Variants in WDR17 observed in about 807,000 individuals in gnomAD.
WDR17 encodes the protein WD repeat domain 17, also known as WD repeat-containing protein 17.
WDR17 carries 143 observed loss-of-function variants against 161.7 expected under a neutral mutation model. The observed-to-expected ratio is 0.88, with a 90% confidence interval of 0.77 to 1.02. The LOEUF is 1.02. WDR17 is among the 50% of genes least tolerant of loss of function. The pLI, the probability that WDR17 is intolerant of heterozygous loss-of-function variation, is 0.00. For synonymous variants in WDR17, 517 were observed against 515.6 expected (o/e 1.00, Z -0.04); for missense variants, 1,469 against 1,520.9 (o/e 0.97, Z 0.57).
chr4:176,144,313 A>T (rs549227617), intron 11 of WDR17, among the ~76,000 whole-genome samples: 1 of 152,232 alleles, frequency 6.6e-6, no homozygotes, highest in Non-Finnish European at 1.5e-5. Flanking sequence ...GGCTGGTTGC[A>T]TATTGGCTGT....
At chr4:176,091,317 T>A (rs969930363) in intron 1 of WDR17, among the ~76,000 whole-genome samples, 1 of 152,132 alleles carries the variant, frequency 6.6e-6, no homozygotes, top group Admixed American at 6.5e-5. Flanking sequence ...CACAATGGAA[T>A]AAAACTAGAA....
At position 176,172,368 on chromosome 4, in the gene WDR17, T is replaced by C; in HGVS notation, c.3103-7T>C. ...GTAACATTGTTTTCAAATCAATTAT[T>C]TTCTAGTGTAAGCTACCCACAGTGG... is the stretch of plus-strand genomic sequence containing the variant. On this transcript the variant is annotated splice_polypyrimidine_tract_variant and splice_region_variant and intron_variant, in intron 23 of 28. Transcript: ENST00000508596. The C allele has an allele frequency of 6.2e-7, 1 of 1,602,372 alleles. No individual in the cohort carries two copies. Among genetic ancestry groups the C allele is most frequent in the Non-Finnish European group, 8.5e-7 (1 of 1,177,224 alleles).
At chr4:176,168,898 G>A in intron 23 of WDR17, 115 bp downstream of exon 23, 1 of 1,170,562 alleles carries the variant, frequency 8.5e-7, no homozygotes, top group Non-Finnish European at 1.2e-6. Context: ...TCCCTTTGGG[G>A]TACCTACAAG....
chr4:176,090,143 G>T (rs2126624824), intron 1 of WDR17, among the ~76,000 whole-genome samples: 1 of 151,828 alleles, frequency 6.6e-6, no homozygotes, highest in South Asian at 2.1e-4. Flanking sequence ...TGCAGTTAGG[G>T]TATAGTGAGG....
At chr4:176,146,672 C>A (rs1746223507) in intron 12 of WDR17, among the ~76,000 whole-genome samples, 1 of 152,112 alleles carries the variant, frequency 6.6e-6, no homozygotes, top group South Asian at 2.1e-4. Flanking sequence ...AGGAAAGACA[C>A]CTGTTCTAGT....
intron 1 of WDR17, among the ~76,000 whole-genome samples, chr4:176,078,979 A>G (rs1174560199): frequency 6.6e-6 from 1 of 152,010 alleles, no homozygotes; most frequent in African/African-American, 2.4e-5. Flanking sequence ...TATTCCTTCT[A>G]TATAGCTGTA....
Position 176,179,978 on chromosome 4 carries a change from G to T in WDR17, c.*399G>T, listed in dbSNP as rs1751990401. Reference sequence around the variant, plus strand: ...TACAGTAAGTACTTAATGGATATTTGAATGATTGAATATCTTGAAATGTTG... The same window carrying T: ...TACAGTAAGTACTTAATGGATATTTTAATGATTGAATATCTTGAAATGTTG... On this transcript the variant is annotated 3_prime_UTR_variant, in exon 29 of 29. Transcript: ENST00000508596. 6.6e-6 allele frequency: 1 copy of T among 152,092 alleles called. No individual in the cohort carries two copies. Among genetic ancestry groups the T allele is most frequent in the African/African-American group, 2.4e-5 (1 of 41,410 alleles). 9.4% of individuals were successfully genotyped at this position (152,092 alleles called of 1,614,324 possible).
Position 176,125,304 on chromosome 4 carries a change from G to C in WDR17, c.739G>C (p.Val247Leu), listed in dbSNP as rs114620724. 6.5e-4 allele frequency: 1,054 copies of C among 1,614,090 alleles called. 6 individuals are homozygous for C. The African/African-American group carries it at 0.012, about 18-fold the overall frequency. Residue 247 changes from valine to leucine, a missense_variant, in exon 5 of 29, where the codon GTA becomes CTA. Val to Leu is a conservative substitution (Grantham distance 32, BLOSUM62 1). Transcript: ENST00000508596. ...TFNLPSAAAS[V>L]QCLAWVPSAP... is the part of the protein sequence containing the mutation. Reference sequence around the variant, plus strand: ...TAATCTTCCCAGTGCAGCAGCTTCTGTACAGTGCTTAGCCTGGGTTCCCAG... The same window carrying C: ...TAATCTTCCCAGTGCAGCAGCTTCTCTACAGTGCTTAGCCTGGGTTCCCAG...
chr4:176,181,010 A>G lies in WDR17; in HGVS notation c.*1431A>G, dbSNP rs549813182. The G allele has an allele frequency of 1.3e-5, 2 of 152,290 alleles. No homozygotes were observed. The highest frequency in any genetic ancestry group is 4.8e-5 in the African/African-American group (2 of 41,570). 9.4% of individuals were successfully genotyped at this position (152,290 alleles called of 1,614,324 possible). ...GTTTGACTAAAGAATAATCTCATAT[A>G]ACTAGAATACTTGTGGCTTTTATTA... is the stretch of plus-strand genomic sequence containing the variant. On this transcript the variant is annotated 3_prime_UTR_variant, in exon 29 of 29. Transcript: ENST00000508596.
intron 1 of WDR17, among the ~76,000 whole-genome samples, chr4:176,109,163 A>G (rs1739297399): frequency 6.6e-6 from 1 of 152,166 alleles, no homozygotes; most frequent in South Asian, 2.1e-4. Flanking sequence ...TAAACTCAAT[A>G]TTTGGTTAAA....
At chr4:176,177,678 CAT>C (rs138558878) in intron 28 of WDR17, 24 bp downstream of exon 28, 60,342 of 1,554,830 alleles carry the variant, frequency 0.039, 1,307 homozygotes, top group Middle Eastern at 0.078. Context: ...TCAGACATAA[CAT>C]GTGTATTTCA....
chr4:176,171,193 T>G (rs768262298), intron 23 of WDR17, among the ~76,000 whole-genome samples: 4 of 152,180 alleles, frequency 2.6e-5, no homozygotes, highest in Non-Finnish European at 4.4e-5. Flanking sequence ...AAACTATATA[T>G]TCACATATGA....
At chr4:176,128,934 A>C in intron 6 of WDR17, 74 bp downstream of exon 6, 1 of 1,337,272 alleles carries the variant, frequency 7.5e-7, no homozygotes, top group Non-Finnish European at 9.9e-7. Context: ...TGGTATAGTG[A>C]GATATCAAAT....
At chr4:176,129,833 A>G (rs1039211485) in intron 6 of WDR17, among the ~76,000 whole-genome samples, 1 of 149,484 alleles carries the variant, frequency 6.7e-6, no homozygotes, top group African/African-American at 2.4e-5. Flanking sequence ...GGACTAGAGA[A>G]GTAATATGCT....
At chr4:176,112,758 T>C (rs1177450094) in intron 2 of WDR17, among the ~76,000 whole-genome samples, 3 of 152,176 alleles carry the variant, frequency 2.0e-5, no homozygotes, top group Non-Finnish European at 4.4e-5. Flanking sequence ...TTTCCCATCT[T>C]TTAATTCTCA....
At chr4:176,128,957 T>C in intron 6 of WDR17, 97 bp downstream of exon 6, 1 of 1,125,268 alleles carries the variant, frequency 8.9e-7, no homozygotes, top group South Asian at 2.1e-5. Flanking sequence ...TATATGCCAC[T>C]GAAAAGCAAT....
intron 1 of WDR17, among the ~76,000 whole-genome samples, chr4:176,107,783 T>C (rs1000686121): frequency 6.6e-6 from 1 of 152,094 alleles, no homozygotes; most frequent in African/African-American, 2.4e-5. Context: ...TACAAATATT[T>C]TTTCCCATTC....
intron 1 of WDR17, among the ~76,000 whole-genome samples, chr4:176,086,262 T>G (rs1735401758): frequency 6.6e-6 from 1 of 151,984 alleles, no homozygotes; most frequent in South Asian, 2.1e-4. Context: ...AGAATGTGAA[T>G]TCTATCATTA....
At chr4:176,143,894 C>T (rs1201489286) in intron 11 of WDR17, among the ~76,000 whole-genome samples, 1 of 152,132 alleles carries the variant, frequency 6.6e-6, no homozygotes, top group African/African-American at 2.4e-5. Flanking sequence ...GCACACCATT[C>T]TACTGCTTAA....
Sources: allele counts gnomAD v4.1 joint callset (sites outside exome capture counted in the v4.1 genomes callset), GRCh38; gene constraint gnomAD v4.1.1; transcripts MANE v1.5; gene names NCBI Gene and HGNC (gene_info 2026-07-23, HGNC 2026-07-21).